The following PLD5 variants were observed in gnomAD, a reference collection of about 807,000 sequenced individuals.
PLD5 encodes phospholipase D family member 5, also known as inactive phospholipase D5.
PLD5 carries 36 observed loss-of-function variants against 61.1 expected under a neutral mutation model. That is an observed-to-expected ratio of 0.59 (90% CI 0.45 to 0.78). PLD5 has a LOEUF of 0.78. PLD5 is among the 30% of genes least tolerant of loss of function. The pLI is 0.00. For missense variants in PLD5, 515 were observed against 644.4 expected (o/e 0.80, Z 2.17); for synonymous variants, 243 against 242.8 (o/e 1.00, Z -0.01).
chr1:242,209,890 G>A (rs945062405), intron 5 of PLD5, among the ~76,000 whole-genome samples: 1 of 152,142 alleles, frequency 6.6e-6, no homozygotes, highest in Non-Finnish European at 1.5e-5. Flanking sequence ...TGCCTCCCAG[G>A]TTCAAGCAAG....
chr1:242,390,882 T>G (rs1239956150), intron 1 of PLD5, among the ~76,000 whole-genome samples: 5 of 106,458 alleles, frequency 4.7e-5, no homozygotes, highest in African/African-American at 2.0e-4. Context: ...GAAATTCAAG[T>G]TTTTATGGTA....
At chr1:242,310,824 A>G (rs1445585585) in intron 2 of PLD5, among the ~76,000 whole-genome samples, 2 of 152,184 alleles carry the variant, frequency 1.3e-5, no homozygotes, top group African/African-American at 4.8e-5. Context: ...GGAAGAAACC[A>G]AGGCAAAGAG....
intron 1 of PLD5, among the ~76,000 whole-genome samples, chr1:242,437,476 C>G (rs1666052158): frequency 6.6e-6 from 1 of 152,142 alleles, no homozygotes; most frequent in South Asian, 2.1e-4. Flanking sequence ...ATGGGCGGAT[C>G]ACCTGAGGTC....
intron 1 of PLD5, among the ~76,000 whole-genome samples, chr1:242,443,818 A>T (rs1666382254): frequency 6.6e-6 from 1 of 151,918 alleles, no homozygotes. Flanking sequence ...TCCATCTCAA[A>T]CCTATTTAAT....
intron 5 of PLD5, among the ~76,000 whole-genome samples, chr1:242,178,769 C>T (rs923862785): frequency 6.6e-6 from 1 of 152,128 alleles, no homozygotes; most frequent in Non-Finnish European, 1.5e-5. Context: ...TACATTTCAC[C>T]CTATCAAGAA....
chr1:242,341,592 GC>G (rs1244117569), intron 2 of PLD5, among the ~76,000 whole-genome samples: 2 of 133,550 alleles, frequency 1.5e-5, no homozygotes, highest in African/African-American at 2.8e-5. Context: ...AGTGAATTTG[GC>G]CCTTGCTATA....
At chr1:242,461,619 G>A (rs1256408561) in intron 1 of PLD5, among the ~76,000 whole-genome samples, 1 of 152,196 alleles carries the variant, frequency 6.6e-6, no homozygotes, top group African/African-American at 2.4e-5. Context: ...TAATGGGATT[G>A]CTGGGTTGAA....
At chr1:242,451,010 C>T (rs1420471084) in intron 1 of PLD5, among the ~76,000 whole-genome samples, 1 of 152,202 alleles carries the variant, frequency 6.6e-6, no homozygotes, top group Non-Finnish European at 1.5e-5. Context: ...TCATCCCATC[C>T]TGAGGTCCTT....
chr1:242,236,165 G>C (rs1382984773), intron 4 of PLD5, among the ~76,000 whole-genome samples: 5 of 152,174 alleles, frequency 3.3e-5, no homozygotes, highest in African/African-American at 1.2e-4. Context: ...GAACAAGGAA[G>C]TGGGTCTTCA....
chr1:242,371,956 T>C (rs1245597655), intron 1 of PLD5, among the ~76,000 whole-genome samples: 3 of 152,082 alleles, frequency 2.0e-5, no homozygotes, highest in Non-Finnish European at 2.9e-5. Flanking sequence ...CATGCTGCTT[T>C]GCTGCACTCA....
chr1:242,274,739 G>T (rs1235930859), intron 3 of PLD5, among the ~76,000 whole-genome samples: 4 of 151,784 alleles, frequency 2.6e-5, no homozygotes, highest in Non-Finnish European at 5.9e-5. Flanking sequence ...GGGGGACAGA[G>T]CAAGACTCAG....
upstream of PLD5, among the ~76,000 whole-genome samples, chr1:242,525,608 GGT>G (rs1441061299): frequency 1.3e-5 from 2 of 152,190 alleles, no homozygotes; most frequent in Non-Finnish European, 2.9e-5. Context: ...CTAAACAGCT[GGT>G]GTTCAGGGTG....
At chr1:242,370,165 T>C (rs1661554501) in intron 1 of PLD5, among the ~76,000 whole-genome samples, 1 of 152,136 alleles carries the variant, frequency 6.6e-6, no homozygotes, top group Non-Finnish European at 1.5e-5. Flanking sequence ...AGTCTGTGAC[T>C]TGAAGTCAAG....
At chr1:242,493,867 CT>C (rs1039924883) in intron 1 of PLD5, among the ~76,000 whole-genome samples, 6 of 152,206 alleles carry the variant, frequency 3.9e-5, no homozygotes, top group African/African-American at 1.4e-4. Flanking sequence ...CAACCGCTTT[CT>C]TTTTAGTATT....
chr1:242,501,441 G>A (rs952617700), intron 1 of PLD5, among the ~76,000 whole-genome samples: 10 of 152,254 alleles, frequency 6.6e-5, no homozygotes, highest in East Asian at 1.9e-4. Flanking sequence ...ACTAACTCTC[G>A]TATGACCTTC....
intron 1 of PLD5, among the ~76,000 whole-genome samples, chr1:242,388,082 G>T (rs1290016775): frequency 6.6e-6 from 1 of 152,174 alleles, no homozygotes; most frequent in African/African-American, 2.4e-5. Context: ...TTGTCACAGA[G>T]GTAGAAAGCA....
In PLD5 at chr1:242,084,676, C is replaced by T. The variant is rs7526384; in HGVS notation, c.*5178G>A. 2.8e-5 allele frequency: 4 copies of T among 145,118 alleles called. No individual in the cohort carries two copies. In the South Asian group the frequency reaches 6.5e-4, roughly 24 times the overall value. The allele number at this position is 145,118 out of a possible 1,614,324, so 9.0% of individuals were successfully genotyped here. A position where few individuals can be genotyped will look rare whatever the true frequency, so the allele number is the denominator to read the frequency against. ...GTTTGCTGAGCAGACACTAGGTTCT[C>T]TAGTGGGGTCTCTATGATTGTTTCT... On this transcript the variant is annotated 3_prime_UTR_variant, in exon 10 of 10. Transcript: ENST00000536534.
At chr1:242,407,539 G>GT (rs1454111139) in intron 1 of PLD5, among the ~76,000 whole-genome samples, 1 of 136,864 alleles carries the variant, frequency 7.3e-6, no homozygotes, top group Admixed American at 7.4e-5. Context: ...CAAATACATA[G>GT]TTTTTTTGTT....
At chr1:242,215,043 A>ATTTTTTTTTTTT (rs34759131) in intron 5 of PLD5, among the ~76,000 whole-genome samples, 1 of 120,616 alleles carries the variant, frequency 8.3e-6, no homozygotes, top group Non-Finnish European at 1.7e-5. Context: ...TGCCTGGCCA[A>ATTTTTTTTTTTT]TTTTTTTTTT....
Sources: allele counts gnomAD v4.1 joint callset (sites outside exome capture counted in the v4.1 genomes callset), GRCh38; gene constraint gnomAD v4.1.1; transcripts MANE v1.5; gene names NCBI Gene and HGNC (gene_info 2026-07-23, HGNC 2026-07-21).